The following NIM1K variants were observed in gnomAD, a reference collection of about 807,000 sequenced individuals.
NIM1K encodes the protein serine/threonine-protein kinase NIM1.
Under a neutral mutation model 37.1 loss-of-function variants are expected in NIM1K, and 35 were observed. That is an observed-to-expected ratio of 0.94 (90% confidence interval 0.72 to 1.25). The LOEUF is 1.25. NIM1K is among the 50% of genes most tolerant of loss of function. NIM1K has a pLI of 0.00. For synonymous variants in NIM1K, 234 were observed against 206.6 expected (o/e 1.13, Z -1.14); for missense variants, 564 against 548.0 (o/e 1.03, Z -0.29).
intron 1 of NIM1K, among the ~76,000 whole-genome samples, chr5:43,208,621 G>T (rs529198448): frequency 2.0e-5 from 3 of 151,786 alleles, no homozygotes; most frequent in Non-Finnish European, 4.4e-5. Context: ...AAAAAAAAAA[G>T]AAAAAAGAAA....
intron 1 of NIM1K, among the ~76,000 whole-genome samples, chr5:43,228,576 G>T (rs1422306302): frequency 6.6e-6 from 1 of 151,936 alleles, no homozygotes; most frequent in Non-Finnish European, 1.5e-5. Context: ...TGTAATCCCA[G>T]CGTTTTGGGA....
intron 2 of NIM1K, among the ~76,000 whole-genome samples, chr5:43,258,471 T>C (rs1194642011): frequency 3.3e-5 from 5 of 152,008 alleles, no homozygotes; most frequent in Non-Finnish European, 5.9e-5. Flanking sequence ...AGGCAGGGTT[T>C]TGCTTTGTCA....
At chr5:43,252,850 G>A (rs191003033) in intron 2 of NIM1K, among the ~76,000 whole-genome samples, 74 of 152,082 alleles carry the variant, frequency 4.9e-4, no homozygotes, top group Non-Finnish European at 8.8e-4. Context: ...GAATGTGGGT[G>A]TTTTTTTCTG....
chr5:43,224,815 C>T (rs1752430075), intron 1 of NIM1K, among the ~76,000 whole-genome samples: 1 of 151,774 alleles, frequency 6.6e-6, no homozygotes, highest in Admixed American at 6.6e-5. Flanking sequence ...TCTGCCTCAG[C>T]CTCCCAAGTA....
chr5:43,255,747 CAAAA>C (rs754820249), intron 2 of NIM1K, among the ~76,000 whole-genome samples: 2 of 106,906 alleles, frequency 1.9e-5, no homozygotes, highest in African/African-American at 7.5e-5. Context: ...GACTCTGTCT[CAAAA>C]AAAAAAGAAA....
chr5:43,205,629 C>T (rs1055167430), intron 1 of NIM1K, among the ~76,000 whole-genome samples: 3 of 152,132 alleles, frequency 2.0e-5, no homozygotes, highest in African/African-American at 7.2e-5. Context: ...TCTCAAATGT[C>T]CTTCAAAAAG....
At chr5:43,202,795 G>A (rs1432818433) in intron 1 of NIM1K, among the ~76,000 whole-genome samples, 2 of 152,134 alleles carry the variant, frequency 1.3e-5, no homozygotes, top group Non-Finnish European at 2.9e-5. Flanking sequence ...AGACTGACAA[G>A]GGATAAAAAT....
intron 1 of NIM1K, chr5:43,192,971 T>G (rs1246175354): frequency 6.6e-6 from 1 of 152,244 alleles, no homozygotes; most frequent in African/African-American, 2.4e-5. Context: ...CTAACGCATG[T>G]GGCCCAGGAG....
At position 43,257,549 on chromosome 5, in the gene NIM1K, C is replaced by A. The variant is rs144443707; in HGVS notation, c.292+11482C>A. Among the ~76,000 whole-genome samples the A allele has an allele frequency of 5.6e-3, 855 of 151,742 alleles. 5 individuals are homozygous for A. Among genetic ancestry groups the A allele is most frequent in the African/African-American group, 0.02 (825 of 41,400 alleles). ...TGCCTGGCTAAAGAGACGGGGGTTT[C>A]ACCATGTTAGCCAGGGTAGTCTCGA... On this transcript the variant is annotated intron_variant, in intron 2 of 3. Transcript: ENST00000326035.
At chr5:43,247,721 C>T (rs1458910831) in intron 2 of NIM1K, among the ~76,000 whole-genome samples, 3 of 152,218 alleles carry the variant, frequency 2.0e-5, no homozygotes, top group African/African-American at 7.2e-5. Flanking sequence ...CTTGCACATA[C>T]TGCAGACAGC....
At chr5:43,270,558 G>A (rs1401416383) in intron 2 of NIM1K, among the ~76,000 whole-genome samples, 1 of 152,208 alleles carries the variant, frequency 6.6e-6, no homozygotes, top group African/African-American at 2.4e-5. Flanking sequence ...TTAGAGACTT[G>A]ATGAGAGAAA....
intron 2 of NIM1K, among the ~76,000 whole-genome samples, chr5:43,263,969 C>A (rs1432278569): frequency 6.6e-6 from 1 of 152,176 alleles, no homozygotes; most frequent in Admixed American, 6.5e-5. Flanking sequence ...AGTTTGATTG[C>A]ACTGTGGTCT....
intron 2 of NIM1K, among the ~76,000 whole-genome samples, chr5:43,275,978 G>A (rs1753333817): frequency 6.8e-6 from 1 of 146,234 alleles, no homozygotes; most frequent in South Asian, 2.1e-4. Flanking sequence ...TCGGCTCACT[G>A]CAACCTCTGC....
rs1491075128 is a variant in NIM1K at position 43,229,403 on chromosome 5, AAG to A, written c.-694-15677_-694-15676del. Among the ~76,000 whole-genome samples the A allele has an allele frequency of 7.9e-5, 12 of 151,398 alleles. No homozygotes were observed. In the South Asian group the frequency reaches 2.3e-3, roughly 29 times the overall value. On this transcript the variant is annotated intron_variant, in intron 1 of 3. Transcript: ENST00000326035. ...CCATCTCAAAAAAAAAAAAAAAAAA[AAG>A]ATTCTTTAATTTAATTTGCCTGAAG...
intron 1 of NIM1K, among the ~76,000 whole-genome samples, chr5:43,239,331 G>T (rs911594319): frequency 6.6e-6 from 1 of 151,786 alleles, no homozygotes; most frequent in Non-Finnish European, 1.5e-5. Context: ...TCAGCTTCCC[G>T]GGTTCAAGCG....
intron 1 of NIM1K, among the ~76,000 whole-genome samples, chr5:43,228,436 G>A (rs1402617088): frequency 2.0e-5 from 3 of 151,644 alleles, no homozygotes; most frequent in East Asian, 1.9e-4. Flanking sequence ...CTGAGCCACC[G>A]CACCCGGCCG....
intron 2 of NIM1K, among the ~76,000 whole-genome samples, chr5:43,275,758 G>A (rs932902366): frequency 3.0e-4 from 46 of 152,104 alleles, no homozygotes; most frequent in Non-Finnish European, 5.6e-4. Context: ...TGAACATCAT[G>A]TTCATCCTAG....
chr5:43,205,939 T>C (rs1222013941), intron 1 of NIM1K, among the ~76,000 whole-genome samples: 5 of 152,074 alleles, frequency 3.3e-5, no homozygotes, highest in Non-Finnish European at 5.9e-5. Flanking sequence ...GTCTCGATCT[T>C]CTGACCTTGT....
intron 2 of NIM1K, among the ~76,000 whole-genome samples, chr5:43,256,806 G>A (rs1174022357): frequency 6.6e-6 from 1 of 152,162 alleles, no homozygotes; most frequent in African/African-American, 2.4e-5. Flanking sequence ...ATGAAATTCA[G>A]GCATAACTCT....
Sources: gnomAD v4.1 joint callset for allele counts (sites outside exome capture counted in the v4.1 genomes callset) on GRCh38, gnomAD v4.1.1 for gene constraint, MANE v1.5 for transcripts, NCBI Gene and HGNC (gene_info 2026-07-23, HGNC 2026-07-21) for gene names.